Variants in PRKN observed in about 807,000 individuals in gnomAD.
PRKN encodes the protein parkin RBR E3 ubiquitin protein ligase.
PRKN carries 56 observed loss-of-function variants against 59.5 expected under a neutral mutation model. That is an observed-to-expected ratio of 0.94 (90% CI 0.76 to 1.18). The LOEUF (loss-of-function observed/expected upper bound fraction) is 1.18, where lower values mean the gene tolerates loss of function less well. Ranked by LOEUF, PRKN falls within the 50% of genes most tolerant of loss-of-function variation. The pLI, the probability that PRKN is intolerant of heterozygous loss-of-function variation, is 0.00. For missense variants in PRKN, 657 were observed against 596.4 expected, an observed-to-expected ratio of 1.10 and a Z score of -1.06; for synonymous variants, 250 against 222.1, an observed-to-expected ratio of 1.13 and a Z score of -1.12.
At chr6:161,658,015 C>CAAA (rs60685690) in intron 7 of PRKN, among the ~76,000 whole-genome samples, 4 of 61,858 alleles carry the variant, frequency 6.5e-5, no homozygotes, top group Admixed American at 1.8e-4. Flanking sequence ...GACTCTGTCT[C>CAAA]AAAAAAAAAA....
At chr6:162,057,902 T>C (rs926073462) in intron 4 of PRKN, among the ~76,000 whole-genome samples, 8 of 152,234 alleles carry the variant, frequency 5.3e-5, no homozygotes, top group African/African-American at 1.9e-4. Flanking sequence ...TATTTTATTA[T>C]ATTGAATTCC....
At chr6:162,383,497 T>C (rs553251129) in intron 2 of PRKN, among the ~76,000 whole-genome samples, 26 of 152,254 alleles carry the variant, frequency 1.7e-4, no homozygotes, top group Non-Finnish European at 3.7e-4. Context: ...CTTAAAATAT[T>C]CACTCGAGTA....
intron 7 of PRKN, among the ~76,000 whole-genome samples, chr6:161,664,462 C>T (rs1174611899): frequency 6.6e-6 from 1 of 152,154 alleles, no homozygotes; most frequent in Non-Finnish European, 1.5e-5. Flanking sequence ...GAGTAACTGT[C>T]ACTTTATTTA....
chr6:162,027,307 A>T (rs1783471607), intron 5 of PRKN, among the ~76,000 whole-genome samples: 1 of 146,642 alleles, frequency 6.8e-6, no homozygotes, highest in South Asian at 2.2e-4. Flanking sequence ...ATTAATCTTG[A>T]CATGTTTCAA....
In PRKN at chr6:161,551,830, C is replaced by T. The variant is rs113043222; in HGVS notation, c.934-2827G>A. 0.015 allele frequency among the ~76,000 whole-genome samples: 2,273 copies of T among 152,134 alleles called. 72 individuals carry two copies. Among genetic ancestry groups the T allele is most frequent in the African/African-American group, 0.053 (2,183 of 41,480 alleles). ...TACTATGCTGAAGGCAGGACTGAGACGAGAAGCGCAGATGGACAGTTTAAG... is the reference window on the plus strand; with the variant it reads ...TACTATGCTGAAGGCAGGACTGAGATGAGAAGCGCAGATGGACAGTTTAAG... On this transcript the variant is annotated intron_variant, in intron 8 of 11. Transcript: ENST00000366898. This position sits in a 1 kb window ranked among gnomAD's most constrained non-coding sequence, Gnocchi z 5.2.
intron 3 of PRKN, among the ~76,000 whole-genome samples, chr6:162,218,314 G>C (rs553204593): frequency 1.3e-5 from 2 of 152,176 alleles, no homozygotes; most frequent in Non-Finnish European, 2.9e-5. Context: ...CCTGCTGAGA[G>C]AGGCCCCAAG....
intron 6 of PRKN, among the ~76,000 whole-genome samples, chr6:161,943,986 TGAGGAAGGAGCC>T (rs140187520): frequency 0.079 from 3,348 of 42,226 alleles, 68 homozygotes; most frequent in East Asian, 0.13. Context: ...GGAAGCAGCC[TGAGGAAGGAGCC>T]TGAGGAAGCA....
In PRKN at chr6:161,405,757, C is replaced by T. The variant is rs1270423481; in HGVS notation, c.1084-18880G>A. ...CCAGGCAGGCTCGTGTTCCAAGTCT[C>T]GTACCCGTTGGGCCATTTGAGAAGT... On this transcript the variant is annotated intron_variant, in intron 9 of 11. Transcript: ENST00000366898. The surrounding 1 kb of genome is among the most constrained non-coding windows in gnomAD (Gnocchi z 5.1). 1.3e-5 allele frequency among the ~76,000 whole-genome samples: 2 copies of T among 152,018 alleles called. No homozygotes were observed. Among genetic ancestry groups the T allele is most frequent in the African/African-American group, 4.8e-5 (2 of 41,364 alleles).
intron 6 of PRKN, among the ~76,000 whole-genome samples, chr6:161,956,114 T>C (rs927848069): frequency 1.3e-5 from 2 of 152,204 alleles, no homozygotes; most frequent in African/African-American, 4.8e-5. Context: ...ATCAGCACTG[T>C]TCAAGTTTTA....
chr6:162,563,707 A>AT (rs1487195296), intron 1 of PRKN, among the ~76,000 whole-genome samples: 2 of 152,232 alleles, frequency 1.3e-5, no homozygotes, highest in Non-Finnish European at 2.9e-5. Context: ...AAATAGAGCT[A>AT]TGTGACCTTT....
chr6:162,497,154 A>G (rs1793104075), intron 1 of PRKN, among the ~76,000 whole-genome samples: 1 of 152,158 alleles, frequency 6.6e-6, no homozygotes, highest in African/African-American at 2.4e-5. Context: ...TCTCCTTTAT[A>G]GGGTGTGGCA....
intron 6 of PRKN, among the ~76,000 whole-genome samples, chr6:161,877,651 G>A (rs1794782575): frequency 6.6e-6 from 1 of 151,564 alleles, no homozygotes; most frequent in African/African-American, 2.4e-5. Flanking sequence ...TGTATTTTTA[G>A]TAGAGACAGG....
intron 6 of PRKN, among the ~76,000 whole-genome samples, chr6:161,808,884 A>C (rs1791445577): frequency 6.6e-6 from 1 of 152,150 alleles, no homozygotes; most frequent in Admixed American, 6.5e-5. Context: ...TCTGTTGCTG[A>C]GGCTGGAGCG....
intron 5 of PRKN, among the ~76,000 whole-genome samples, chr6:162,045,131 T>G (rs1422914261): frequency 6.6e-6 from 1 of 152,220 alleles, no homozygotes; most frequent in Non-Finnish European, 1.5e-5. Flanking sequence ...ATTGCAGCCA[T>G]TTTTGTGAAG....
At chr6:161,492,964 A>C (rs1408523683) in intron 9 of PRKN, among the ~76,000 whole-genome samples, 2 of 152,172 alleles carry the variant, frequency 1.3e-5, no homozygotes, top group Non-Finnish European at 2.9e-5. Context: ...GGCTGTACAG[A>C]CCATTTTTAA....
intron 6 of PRKN, among the ~76,000 whole-genome samples, chr6:161,966,928 T>C (rs56402349): frequency 0.081 from 12,272 of 152,250 alleles, 576 homozygotes; most frequent in Middle Eastern, 0.11. Flanking sequence ...GCCTCCTGGA[T>C]TCAAGCGATT....
intron 3 of PRKN, among the ~76,000 whole-genome samples, chr6:162,229,866 T>TTTAA (rs1475695585): frequency 4.6e-5 from 7 of 152,232 alleles, no homozygotes; most frequent in African/African-American, 1.7e-4. Flanking sequence ...GCTCAAATTA[T>TTTAA]ATAGCAAATT....
At chr6:162,034,870 G>T (rs1232817545) in intron 5 of PRKN, among the ~76,000 whole-genome samples, 3 of 152,168 alleles carry the variant, frequency 2.0e-5, no homozygotes, top group African/African-American at 7.2e-5. Flanking sequence ...GGTCCATGAG[G>T]AATAACAGCC....
chr6:161,749,384 C>A (rs958978039), intron 7 of PRKN, among the ~76,000 whole-genome samples: 3 of 152,138 alleles, frequency 2.0e-5, no homozygotes, highest in Non-Finnish European at 2.9e-5. Context: ...ACATATAAAT[C>A]TATAATTATG....
Sources: gnomAD v4.1 joint callset for allele counts (sites outside exome capture counted in the v4.1 genomes callset) on GRCh38, gnomAD v4.1.1 for gene constraint, Gnocchi (gnomAD v3.1) non-coding constraint, MANE v1.5 for transcripts, NCBI Gene and HGNC (gene_info 2026-07-23, HGNC 2026-07-21) for gene names.